The following ST3GAL3 variants were observed in gnomAD, a reference collection of about 807,000 sequenced individuals.
ST3GAL3 encodes the protein ST3 beta-galactoside alpha-2,3-sialyltransferase 3.
A neutral mutation model predicts 50.1 loss-of-function variants in ST3GAL3; 21 were observed. The ratio of observed to expected loss-of-function variants is 0.42; its 90% CI spans 0.30 to 0.60. The LOEUF is 0.60. Among genes scored for constraint, ST3GAL3 ranks in the 20% least tolerant of loss-of-function variants. ST3GAL3 has a pLI of 0.19. For synonymous variants in ST3GAL3, 183 were observed against 190.0 expected, an observed-to-expected ratio of 0.96 and a Z score of 0.30; for missense variants, 353 against 489.4, an observed-to-expected ratio of 0.72 and a Z score of 2.63.
intron 5 of ST3GAL3, among the ~76,000 whole-genome samples, chr1:43,886,609 T>C (rs2076024259): frequency 6.6e-6 from 1 of 152,152 alleles, no homozygotes; most frequent in Non-Finnish European, 1.5e-5. Flanking sequence ...CAGGCAGAGA[T>C]AATGCATGTG....
At position 43,776,850 on chromosome 1, in the gene ST3GAL3, G is replaced by A. The variant is rs140731743; in HGVS notation, c.119-15252G>A. Among the ~76,000 whole-genome samples, 898 of 152,238 alleles carry A rather than the reference G, an allele frequency of 5.9e-3. 7 individuals are homozygous for A. The highest frequency in any genetic ancestry group is 0.018 in the South Asian group (88 of 4,826). ...ATGGAAATATTATAAATTGCTAGGC[G>A]TACAAAATTTCTCATGAGAAAGTAT... On this transcript the variant is annotated intron_variant, in intron 2 of 11. Transcript: ENST00000347631.
intron 2 of ST3GAL3, among the ~76,000 whole-genome samples, chr1:43,743,044 C>T (rs78097215): frequency 0.041 from 6,123 of 148,578 alleles, 186 homozygotes; most frequent in East Asian, 0.19. Flanking sequence ...GAGCCGAGAT[C>T]GCGCCACTGC....
At chr1:43,827,440 GAAAGAAATC>G (rs1353422972) in intron 4 of ST3GAL3, among the ~76,000 whole-genome samples, 3 of 152,136 alleles carry the variant, frequency 2.0e-5, no homozygotes, top group Non-Finnish European at 4.4e-5. Context: ...AAACTCTAAT[GAAAGAAATC>G]AAAGAAATCT....
At chr1:43,898,425 C>T (rs2077711457) in intron 7 of ST3GAL3, 127 bp downstream of exon 7, 1 of 954,220 alleles carries the variant, frequency 1.0e-6, no homozygotes, top group African/African-American at 1.6e-5. Flanking sequence ...ACATACAGTA[C>T]ACACACAGGG....
chr1:43,786,318 T>C (rs2057333340), intron 2 of ST3GAL3, among the ~76,000 whole-genome samples: 1 of 152,342 alleles, frequency 6.6e-6, no homozygotes, highest in East Asian at 1.9e-4. Flanking sequence ...CTGTACACCC[T>C]CCTGCAGATG....
intron 1 of ST3GAL3, among the ~76,000 whole-genome samples, chr1:43,727,042 G>C (rs1437961526): frequency 6.6e-6 from 1 of 152,154 alleles, no homozygotes; most frequent in Non-Finnish European, 1.5e-5. Context: ...TTCACTCTGA[G>C]AGCTTTCTCC....
intron 1 of ST3GAL3, among the ~76,000 whole-genome samples, chr1:43,719,900 T>C (rs1170361117): frequency 1.5e-5 from 2 of 133,756 alleles, no homozygotes; most frequent in Non-Finnish European, 3.0e-5. Context: ...GCCACTGCAT[T>C]CCAGCCTGAG....
intron 5 of ST3GAL3, among the ~76,000 whole-genome samples, chr1:43,857,568 TTTCTTTCCTTCCTCCCTCCCTTCC>T (rs2068748902): frequency 2.0e-4 from 7 of 34,432 alleles, no homozygotes; most frequent in East Asian, 1.9e-3. Context: ...TCCTTCCTTC[TTTCTTTCCTTCCTCCCTCCCTTCC>T]TTCCTTCCTT....
intron 6 of ST3GAL3, among the ~76,000 whole-genome samples, chr1:43,897,455 A>G (rs547739089): frequency 6.6e-6 from 1 of 152,354 alleles, no homozygotes; most frequent in East Asian, 1.9e-4. Context: ...ATTTGACTCC[A>G]AAGCCAATAC....
At chr1:43,872,592 G>A (rs1323778241) in intron 5 of ST3GAL3, among the ~76,000 whole-genome samples, 3 of 152,054 alleles carry the variant, frequency 2.0e-5, no homozygotes, top group Admixed American at 2.0e-4. Flanking sequence ...TAATCCACGA[G>A]GTAGTAGGTA....
intron 9 of ST3GAL3, chr1:43,919,936 A>T: frequency 3.9e-6 from 1 of 254,292 alleles, no homozygotes; most frequent in South Asian, 5.5e-5. Context: ...TTTCAGGTCC[A>T]CTCTAGAACA....
At chr1:43,850,329 A>G in intron 5 of ST3GAL3, 1 of 592,692 alleles carries the variant, frequency 1.7e-6, no homozygotes, top group African/African-American at 1.9e-5. Context: ...CAGAGGGAAG[A>G]GAGTGAAGCT....
At chr1:43,867,122 T>C (rs1018467502) in intron 5 of ST3GAL3, among the ~76,000 whole-genome samples, 1 of 152,150 alleles carries the variant, frequency 6.6e-6, no homozygotes. Flanking sequence ...AGAGCGAGAC[T>C]CCGTCTCAAA....
intron 5 of ST3GAL3, among the ~76,000 whole-genome samples, chr1:43,868,641 A>G (rs1223114219): frequency 1.3e-5 from 2 of 152,104 alleles, no homozygotes; most frequent in African/African-American, 4.8e-5. Context: ...CCTTGAGTCT[A>G]CATATCTCTT....
At chr1:43,886,248 G>A (rs1249315316) in intron 5 of ST3GAL3, among the ~76,000 whole-genome samples, 1 of 152,174 alleles carries the variant, frequency 6.6e-6, no homozygotes, top group African/African-American at 2.4e-5. Context: ...GGGCGTGGTG[G>A]TGCACACCTG....
chr1:43,875,191 C>T (rs144743832), intron 5 of ST3GAL3, among the ~76,000 whole-genome samples: 73 of 152,196 alleles, frequency 4.8e-4, no homozygotes, highest in Admixed American at 1.4e-3. Flanking sequence ...AGTGAAAAGA[C>T]GGTCAAACCA....
intron 5 of ST3GAL3, among the ~76,000 whole-genome samples, chr1:43,859,462 G>A (rs1048479177): frequency 1.3e-5 from 2 of 152,128 alleles, no homozygotes; most frequent in Non-Finnish European, 2.9e-5. Context: ...AGGAGGCTGA[G>A]GCAGGAGAAT....
chr1:43,893,026 C>A (rs2076880306), intron 5 of ST3GAL3, among the ~76,000 whole-genome samples: 2 of 152,192 alleles, frequency 1.3e-5, no homozygotes, highest in African/African-American at 4.8e-5. Context: ...CAACTCAGAG[C>A]TCCCAAGTGT....
chr1:43,852,571 G>T (rs552578150), intron 5 of ST3GAL3, among the ~76,000 whole-genome samples: 1 of 152,330 alleles, frequency 6.6e-6, no homozygotes, highest in Non-Finnish European at 1.5e-5. Context: ...TAGACACTTG[G>T]TATTGGTTTT....
Sources: allele counts gnomAD v4.1 joint callset (sites outside exome capture counted in the v4.1 genomes callset), GRCh38; gene constraint gnomAD v4.1.1; transcripts MANE v1.5; gene names NCBI Gene and HGNC (gene_info 2026-07-23, HGNC 2026-07-21).